The following PCDHGB5 variants were observed in gnomAD, a reference collection of about 807,000 sequenced individuals.
PCDHGB5 encodes protocadherin gamma-B5.
A neutral mutation model predicts 62.9 loss-of-function variants in PCDHGB5; 48 were observed. The observed-to-expected ratio is 0.76, with a 90% CI of 0.61 to 0.97. The LOEUF (loss-of-function observed/expected upper bound fraction) is 0.97, where lower values mean the gene tolerates loss of function less well. Among genes scored for constraint, PCDHGB5 ranks in the 50% least tolerant of loss-of-function variants. The pLI is 0.00. For missense variants in PCDHGB5, 1,118 were observed against 1,198.6 expected (o/e 0.93, Z 0.99); for synonymous variants, 474 against 511.2 (o/e 0.93, Z 0.98).
At chr5:141,414,753 T>G (rs10041534) in intron 1 of PCDHGB5, 22 of 1,614,088 alleles carry the variant, frequency 1.4e-5, no homozygotes, top group Non-Finnish European at 1.8e-5. Context: ...CCTTCGACTA[T>G]GAGCAGTTTC....
chr5:141,415,494 C>T lies in PCDHGB5; in HGVS notation c.2397+14970C>T, dbSNP rs377609539. 2.5e-6 allele frequency: 4 copies of T among 1,614,110 alleles called. No homozygotes were observed. The African/African-American group carries it at 4.0e-5, about 16-fold the overall frequency. ...CGGACTCGCGAAAGAGTCACCTGAT[C>T]TTCCCCCAGCCCAATTATGCGGACA... On this transcript the variant is annotated intron_variant, in intron 1 of 3. Transcript: ENST00000617380.
At chr5:141,496,869 A>G (rs2099772006) in intron 2 of PCDHGB5, among the ~76,000 whole-genome samples, 1 of 150,116 alleles carries the variant, frequency 6.7e-6, no homozygotes, top group African/African-American at 2.5e-5. Context: ...GAGACTGAAA[A>G]TTTGCAACAA....
chr5:141,420,047 G>C (rs1242042066), intron 1 of PCDHGB5: 1 of 1,613,958 alleles, frequency 6.2e-7, no homozygotes, highest in East Asian at 2.2e-5. Flanking sequence ...CTTTGAGTCA[G>C]TTCTCTGCTC....
At chr5:141,405,256 G>GATGTGATGCTCT (rs1316160577) in intron 1 of PCDHGB5, 2 of 1,614,050 alleles carry the variant, frequency 1.2e-6, no homozygotes, top group Non-Finnish European at 1.7e-6. Flanking sequence ...AGAGTCACCT[G>GATGTGATGCTCT]ATCTTCCCCC....
At chr5:141,441,763 G>A in intron 1 of PCDHGB5, 1 of 384,020 alleles carries the variant, frequency 2.6e-6, no homozygotes, top group Non-Finnish European at 5.2e-6. Flanking sequence ...GTGAGCCTGC[G>A]CGTGTTGGTG....
intron 1 of PCDHGB5, among the ~76,000 whole-genome samples, chr5:141,463,479 C>T (rs1162346496): frequency 4.1e-5 from 5 of 120,544 alleles, no homozygotes; most frequent in Non-Finnish European, 8.1e-5. Flanking sequence ...GATGGAGTCT[C>T]GCTCTGTCAC....
rs372994272 is a variant in PCDHGB5, at chr5:141,485,358, G to C, written c.2398-9449G>C. On this transcript the variant is annotated intron_variant, in intron 1 of 3. Coordinates refer to ENST00000617380, the MANE Select transcript of PCDHGB5 (RefSeq NM_018925.3). This position sits in a 1 kb window ranked among gnomAD's most constrained non-coding sequence, Gnocchi z 5.7. ...CTGGATACGGACAGTCTGTCAGCTC[G>C]CAGGCTGCAGGTCGCTGGAGAGGTG... is the stretch of plus-strand genomic sequence containing the variant. 3.1e-6 allele frequency: 5 copies of C among 1,613,982 alleles called. No homozygotes were observed. Among genetic ancestry groups the C allele is most frequent in the Non-Finnish European group, 4.2e-6 (5 of 1,180,014 alleles).
intron 1 of PCDHGB5, among the ~76,000 whole-genome samples, chr5:141,468,830 C>T (rs561511870): frequency 2.0e-5 from 3 of 152,170 alleles, no homozygotes; most frequent in East Asian, 1.9e-4. Flanking sequence ...CAAGCCACTG[C>T]ACTCCAGCCT....
chr5:141,430,383 G>GAAA (rs139772145), intron 1 of PCDHGB5, among the ~76,000 whole-genome samples: 2 of 138,566 alleles, frequency 1.4e-5, no homozygotes, highest in South Asian at 4.6e-4. Flanking sequence ...AGCTCATTGG[G>GAAA]AAAAAAAAAA....
At chr5:141,402,597 T>G (rs1268830791) in intron 1 of PCDHGB5, among the ~76,000 whole-genome samples, 1 of 152,254 alleles carries the variant, frequency 6.6e-6, no homozygotes, top group African/African-American at 2.4e-5. Context: ...TAGATTGCTT[T>G]TGAAATACAA....
chr5:141,423,009 G>T (rs371209178), intron 1 of PCDHGB5: 3 of 1,614,222 alleles, frequency 1.9e-6, no homozygotes, highest in Non-Finnish European at 2.5e-6. Context: ...AGGTGGTTGC[G>T]GTGGACAAAG....
chr5:141,442,149 T>C, intron 1 of PCDHGB5: 1 of 159,274 alleles, frequency 6.3e-6, no homozygotes, highest in Non-Finnish European at 1.4e-5. Flanking sequence ...CTGCCAGACC[T>C]CAGCGATCAC....
intron 1 of PCDHGB5, among the ~76,000 whole-genome samples, chr5:141,454,796 A>ATTTTTTTTTTT (rs61612330): frequency 0.014 from 1,093 of 77,476 alleles, 165 homozygotes; most frequent in African/African-American, 0.018. Flanking sequence ...CATGGTTCTA[A>ATTTTTTTTTTT]TTTTTTTTTT....
At chr5:141,468,841 G>C (rs1189145481) in intron 1 of PCDHGB5, among the ~76,000 whole-genome samples, 3 of 152,014 alleles carry the variant, frequency 2.0e-5, no homozygotes, top group Non-Finnish European at 4.4e-5. Flanking sequence ...ACTCCAGCCT[G>C]GGCAACAGAG....
In PCDHGB5 at chr5:141,491,283, C is replaced by G; in HGVS notation, c.2398-3524C>G. ...AAATGCCCAAATCCAGTGACTTCCT[C>G]ATACACCCTCCTGAGCGTTCAGACC... On this transcript the variant is annotated intron_variant, in intron 1 of 3. Coordinates refer to ENST00000617380, the MANE Select transcript of PCDHGB5 (RefSeq NM_018925.3). The surrounding 1 kb of genome is among the most constrained non-coding windows in gnomAD (Gnocchi z 6.9). The G allele has an allele frequency of 1.2e-6, 2 of 1,614,164 alleles. No homozygotes were observed.
At chr5:141,420,530 A>G (rs1038635436) in intron 1 of PCDHGB5, 9 of 336,858 alleles carry the variant, frequency 2.7e-5, no homozygotes, top group African/African-American at 6.4e-5. Flanking sequence ...CCTTTCGGTT[A>G]AAAATATAAA....
At chr5:141,457,555 C>A (rs1425159883) in intron 1 of PCDHGB5, among the ~76,000 whole-genome samples, 2 of 152,168 alleles carry the variant, frequency 1.3e-5, no homozygotes. Context: ...GTATGATAAG[C>A]TTTGGAGCAA....
Position 141,491,910 on chromosome 5 carries a change from G to A in PCDHGB5, c.2398-2897G>A, listed in dbSNP as rs946745903. 1.4e-5 allele frequency: 19 copies of A among 1,406,944 alleles called. No individual in the cohort carries two copies. The South Asian group carries it at 2.6e-4, about 19-fold the overall frequency. 87.2% of individuals were successfully genotyped at this position (1,406,944 alleles called of 1,614,324 possible). On this transcript the variant is annotated intron_variant, in intron 1 of 3. Transcript: ENST00000617380. This position sits in a 1 kb window ranked among gnomAD's most constrained non-coding sequence, Gnocchi z 6.9. ...GGCTCCGAGCACCGGGGGTGGTGGCGACTGTGGGCGAGGGGAGGTGGGACC... is the reference window on the plus strand; with the variant it reads ...GGCTCCGAGCACCGGGGGTGGTGGCAACTGTGGGCGAGGGGAGGTGGGACC...
At chr5:141,409,358 A>G (rs757614552) in intron 1 of PCDHGB5, 2 of 1,613,900 alleles carry the variant, frequency 1.2e-6, no homozygotes, top group Non-Finnish European at 8.5e-7. Flanking sequence ...CAGGTGTAAT[A>G]TAGAAACAGA....
Sources: allele counts gnomAD v4.1 joint callset (sites outside exome capture counted in the v4.1 genomes callset), GRCh38; gene constraint gnomAD v4.1.1; non-coding constraint Gnocchi (gnomAD v3.1); transcripts MANE v1.5; gene names NCBI Gene and HGNC (gene_info 2026-07-23, HGNC 2026-07-21).